The following ADH6 variants were observed in gnomAD, a reference collection of about 807,000 sequenced individuals.
ADH6 encodes alcohol dehydrogenase 6.
Under a neutral mutation model 36.5 loss-of-function variants are expected in ADH6, and 34 were observed. The ratio of observed to expected loss-of-function variants is 0.93; its 90% CI spans 0.71 to 1.24. The LOEUF is 1.24. Ranked by LOEUF, ADH6 falls within the 50% of genes most tolerant of loss-of-function variation. The probability of loss-of-function intolerance (pLI) is 0.00; values close to 1 mark genes in which losing one functional copy is unlikely to be tolerated. For synonymous variants in ADH6, 161 were observed against 155.5 expected (o/e 1.04, Z -0.26); for missense variants, 440 against 447.0 (o/e 0.98, Z 0.14).
At chr4:99,217,075 G>A (rs1468218482) in intron 1 of ADH6, among the ~76,000 whole-genome samples, 10 of 152,026 alleles carry the variant, frequency 6.6e-5, no homozygotes, top group Non-Finnish European at 8.8e-5. Flanking sequence ...TCACTCTGTT[G>A]CCCAGGCTGG....
rs1731128093 is a variant in ADH6, at chr4:99,208,852, G to C, written c.644C>G (p.Ala215Gly). ...CACTCCAATGATCCTGGCTGCTCCT[G>C]CTGCTTTACAACCCATGACAACAGA... ...GLSVVMGCKA[A>G]GAARIIGVDV... is the part of the protein sequence containing the mutation. Residue 215 changes from alanine to glycine, a missense_variant, in exon 6 of 9, where the codon GCA becomes GGA. By Grantham distance (60) the Ala-to-Gly change is moderately conservative. Transcript: ENST00000394899. 1 of 1,613,578 alleles carries C rather than the reference G, an allele frequency of 6.2e-7. No individual in the cohort carries two copies. The highest frequency in any genetic ancestry group is 1.7e-5 in the Admixed American group (1 of 59,932).
chr4:99,203,042 G>C lies in ADH6; in HGVS notation c.*1177C>G. 2.6e-6 allele frequency: 1 copy of C among 381,194 alleles called. No individual in the cohort carries two copies. Among genetic ancestry groups the C allele is most frequent in the Non-Finnish European group, 4.6e-6 (1 of 215,220 alleles). The allele number at this position is 381,194 out of a possible 1,614,324, so 23.6% of individuals were successfully genotyped here. Reference sequence around the variant, plus strand: ...ATGGGAGAGAGAGACTGAGGGTGCAGCCCACCTTCCTGGCCAGTGTTAAAT... The same window carrying C: ...ATGGGAGAGAGAGACTGAGGGTGCACCCCACCTTCCTGGCCAGTGTTAAAT... On this transcript the variant is annotated 3_prime_UTR_variant, in exon 9 of 9. Transcript: ENST00000394899.
At chr4:99,217,166 G>A (rs1003271487) in intron 1 of ADH6, among the ~76,000 whole-genome samples, 8 of 152,076 alleles carry the variant, frequency 5.3e-5, no homozygotes, top group South Asian at 4.1e-4. Flanking sequence ...CTCCTGAGTA[G>A]CTGGGACTAC....
intron 1 of ADH6, among the ~76,000 whole-genome samples, chr4:99,217,927 T>G (rs1731508715): frequency 6.6e-6 from 1 of 152,122 alleles, no homozygotes; most frequent in South Asian, 2.1e-4. Flanking sequence ...TCTTGGCAGA[T>G]TGAGGTTGGA....
At chr4:99,218,413 C>G (rs1731524864) in intron 1 of ADH6, among the ~76,000 whole-genome samples, 1 of 152,202 alleles carries the variant, frequency 6.6e-6, no homozygotes, top group Non-Finnish European at 1.5e-5. Context: ...TCTGCTTTAT[C>G]TCTTTCTTGC....
At chr4:99,212,823 A>G (rs1731271487) in intron 3 of ADH6, among the ~76,000 whole-genome samples, 1 of 151,762 alleles carries the variant, frequency 6.6e-6, no homozygotes, top group South Asian at 2.1e-4. Context: ...AATTATTTCT[A>G]TATTAAGAAA....
At chr4:99,216,056 AT>A (rs1248851679) in intron 2 of ADH6, 104 bp downstream of exon 2, 52 of 521,732 alleles carry the variant, frequency 1.0e-4, no homozygotes, top group South Asian at 2.0e-4. Context: ...TAGTTTTATT[AT>A]TTTTTTTTCT....
Position 99,203,942 on chromosome 4 carries a change from G to C in ADH6, c.*277C>G, listed in dbSNP as rs1730935036. The C allele has an allele frequency of 9.9e-6, 4 of 403,662 alleles. No homozygotes were observed. The highest frequency in any genetic ancestry group is 1.8e-5 in the Non-Finnish European group (4 of 228,394). The allele number at this position is 403,662 out of a possible 1,614,324, so 25.0% of individuals were successfully genotyped here. A position where few individuals can be genotyped will look rare whatever the true frequency, so the allele number is the denominator to read the frequency against. On this transcript the variant is annotated 3_prime_UTR_variant, in exon 9 of 9. Transcript: ENST00000394899. ...TATGAAAATGGGAGCATCTTGCATT[G>C]ACCTTTTATGTCTGAAGGATGTGGA...
chr4:99,215,695 C>T (rs1247365052), intron 2 of ADH6: 1 of 152,454 alleles, frequency 6.6e-6, no homozygotes. Context: ...TGACCAGTCA[C>T]TAAACCGCAG....
In ADH6 at chr4:99,216,277, A is replaced by T. The variant is rs755751656; in HGVS notation, c.19-15T>A. 1 of 1,514,764 alleles carries T rather than the reference A, an allele frequency of 6.6e-7. No individual in the cohort carries two copies. The highest frequency in any genetic ancestry group is 8.9e-7 in the Non-Finnish European group (1 of 1,121,728). 93.8% of individuals were successfully genotyped at this position (1,514,764 alleles called of 1,614,324 possible). On this transcript the variant is annotated splice_polypyrimidine_tract_variant and intron_variant, in intron 1 of 8. Transcript: ENST00000394899. Reference sequence around the variant, plus strand: ...CATCTGATGACCTGGGAAATAGAATACAGGGGCAGAAAGAGAAGCTCCTTA... The same window carrying T: ...CATCTGATGACCTGGGAAATAGAATTCAGGGGCAGAAAGAGAAGCTCCTTA...
chr4:99,205,099 A>AG (rs1437757259), intron 7 of ADH6, 36 bp from the exon 8 acceptor site: 1 of 1,529,496 alleles, frequency 6.5e-7, no homozygotes, highest in South Asian at 1.3e-5. Context: ...TTTACACATG[A>AG]GGCTTCATTA....
intron 7 of ADH6, 141 bp downstream of exon 7, chr4:99,207,305 T>C (rs1731068616): frequency 2.9e-6 from 3 of 1,026,466 alleles, no homozygotes; most frequent in Admixed American, 2.5e-5. Context: ...TCCCTTTATA[T>C]TGGGTATTCA....
chr4:99,202,870 G>T lies in ADH6; in HGVS notation c.*1349C>A. ...AGCTCAGACTTGGGAAGATGGAGAA[G>T]AGCCATCCCAAGTCCAGAGTGAATA... On this transcript the variant is annotated 3_prime_UTR_variant, in exon 9 of 9. Transcript: ENST00000394899. 1 of 397,422 alleles carries T rather than the reference G, an allele frequency of 2.5e-6. No homozygotes were observed. The highest frequency in any genetic ancestry group is 4.4e-6 in the Non-Finnish European group (1 of 225,214). 24.6% of individuals were successfully genotyped at this position (397,422 alleles called of 1,614,324 possible). A position where few individuals can be genotyped will look rare whatever the true frequency, so the allele number is the denominator to read the frequency against.
At chr4:99,210,016 A>G in intron 5 of ADH6, 66 bp downstream of exon 5, 1 of 1,499,680 alleles carries the variant, frequency 6.7e-7, no homozygotes, top group South Asian at 1.1e-5. Context: ...GATGACAAAG[A>G]TGCAAGAGGC....
Position 99,219,185 on chromosome 4 carries a change from A to C in ADH6, c.-33T>G. The C allele has an allele frequency of 6.2e-7, 1 of 1,601,876 alleles. No individual in the cohort carries two copies. The highest frequency in any genetic ancestry group is 8.6e-7 in the Non-Finnish European group (1 of 1,169,154). ...TTCTCCACCGCAGATGAATTTATTG[A>C]GAAAGGGAGATCCTGTAGCAACTTT... is the stretch of plus-strand genomic sequence containing the variant. On this transcript the variant is annotated 5_prime_UTR_variant, in exon 1 of 9. Transcript: ENST00000394899.
chr4:99,204,382 C>T, intron 8 of ADH6, 139 bp from the exon 9 acceptor site: 2 of 1,420,436 alleles, frequency 1.4e-6, no homozygotes, highest in Non-Finnish European at 1.8e-6. Context: ...ATTAAATAAG[C>T]CATGGGAAGA....
intron 3 of ADH6, among the ~76,000 whole-genome samples, chr4:99,212,736 T>C (rs1579447257): frequency 6.6e-6 from 1 of 152,054 alleles, no homozygotes; most frequent in South Asian, 2.1e-4. Context: ...CACACACATA[T>C]ATGTGTATAT....
chr4:99,211,327 C>G (rs1427053080), intron 3 of ADH6, among the ~76,000 whole-genome samples: 2 of 152,096 alleles, frequency 1.3e-5, no homozygotes, highest in Admixed American at 6.6e-5. Context: ...AGCATGCTAT[C>G]TACCCTGGTT....
intron 1 of ADH6, 131 bp downstream of exon 1, chr4:99,219,004 G>T: frequency 1.2e-6 from 1 of 825,126 alleles, no homozygotes; most frequent in Non-Finnish European, 2.0e-6. Context: ...GAGGAGGAGA[G>T]ATACTATGAT....
Sources: gnomAD v4.1 joint callset for allele counts (sites outside exome capture counted in the v4.1 genomes callset) on GRCh38, gnomAD v4.1.1 for gene constraint, MANE v1.5 for transcripts, NCBI Gene and HGNC (gene_info 2026-07-23, HGNC 2026-07-21) for gene names.